The following SGCD variants were observed in gnomAD, a reference collection of about 807,000 sequenced individuals.
The protein encoded by SGCD is delta-sarcoglycan.
SGCD carries 18 observed loss-of-function variants against 36.6 expected under a neutral mutation model. That is an observed-to-expected ratio of 0.49 (90% confidence interval 0.34 to 0.73). The LOEUF (loss-of-function observed/expected upper bound fraction) is 0.73. SGCD is among the 30% of genes least tolerant of loss of function. The pLI, the probability that SGCD is intolerant of heterozygous loss-of-function variation, is 0.01. For missense variants in SGCD, 387 were observed against 346.7 expected, an observed-to-expected ratio of 1.12 and a Z score of -0.92; for synonymous variants, 133 against 130.6, an observed-to-expected ratio of 1.02 and a Z score of -0.12.
chr5:156,077,870 T>C (rs184090152), intron 1 of SGCD, among the ~76,000 whole-genome samples: 1 of 152,190 alleles, frequency 6.6e-6, no homozygotes, highest in East Asian at 1.9e-4. Context: ...GGGAGAAGCG[T>C]TGAGTTCTAA....
intron 3 of SGCD, among the ~76,000 whole-genome samples, chr5:156,239,277 G>C (rs1006373268): frequency 6.6e-6 from 1 of 151,646 alleles, no homozygotes; most frequent in African/African-American, 2.4e-5. Flanking sequence ...GCAGGTGCCT[G>C]TAATCCCAGC....
rs369934274 is a variant in SGCD at position 156,030,003 on chromosome 5, C to T, written c.-281-87875C>T. Among the ~76,000 whole-genome samples, 11 of 152,242 alleles carry T rather than the reference C, an allele frequency of 7.2e-5. No homozygotes were observed. The East Asian group carries it at 2.1e-3, about 29-fold the overall frequency. On this transcript the variant is annotated intron_variant, in intron 1 of 9. Coordinates refer to the SGCD transcript ENST00000517913. ...CTCCCTCACCTCCCAATTTCCCACA[C>T]TGAATGGACCATGTCACATAATTTT...
Position 156,762,993 on chromosome 5 carries a change from G to T in SGCD, c.*3603G>T, listed in dbSNP as rs1757525004. 6.6e-6 allele frequency: 1 copy of T among 152,444 alleles called. No homozygotes were observed. The highest frequency in any genetic ancestry group is 6.5e-5 in the Admixed American group (1 of 15,284). 9.4% of individuals were successfully genotyped at this position (152,444 alleles called of 1,614,324 possible). A position where few individuals can be genotyped will look rare whatever the true frequency, so the allele number is the denominator to read the frequency against. On this transcript the variant is annotated 3_prime_UTR_variant, in exon 9 of 9. Transcript: ENST00000337851. Reference sequence around the variant, plus strand: ...GTGGAAAGCCTGCCTTCCAAGACATGTGGAAGTAATTGATCCACCTGCCAG... The same window carrying T: ...GTGGAAAGCCTGCCTTCCAAGACATTTGGAAGTAATTGATCCACCTGCCAG...
intron 3 of SGCD, among the ~76,000 whole-genome samples, chr5:156,230,168 T>C (rs1264588594): frequency 2.0e-5 from 3 of 152,168 alleles, no homozygotes; most frequent in African/African-American, 7.2e-5. Context: ...CCTCCTGAAT[T>C]CTTTTTGGAG....
At chr5:156,653,568 C>T (rs281039) in intron 7 of SGCD, among the ~76,000 whole-genome samples, 127,376 of 139,246 alleles carry the variant, frequency 0.91, 58,448 homozygotes, top group East Asian at 0.99. Flanking sequence ...ATGTCATAAT[C>T]TACCTCCTTC....
intron 4 of SGCD, among the ~76,000 whole-genome samples, chr5:156,580,518 A>G (rs1581201944): frequency 1.3e-5 from 2 of 152,092 alleles, no homozygotes; most frequent in South Asian, 2.1e-4. Context: ...CCATTCTCCC[A>G]GTCACTTTCA....
intron 4 of SGCD, among the ~76,000 whole-genome samples, chr5:156,558,406 T>C (rs1005474872): frequency 6.6e-6 from 1 of 152,076 alleles, no homozygotes; most frequent in African/African-American, 2.4e-5. Context: ...GTGATGATCA[T>C]TTATTTTAAA....
intron 3 of SGCD, among the ~76,000 whole-genome samples, chr5:156,385,364 C>T (rs904024219): frequency 6.6e-6 from 1 of 152,154 alleles, no homozygotes; most frequent in Non-Finnish European, 1.5e-5. Context: ...GGGTTCCCTG[C>T]ACATATTTTT....
intron 4 of SGCD, among the ~76,000 whole-genome samples, chr5:156,572,269 T>C (rs1759754021): frequency 6.6e-6 from 1 of 152,142 alleles, no homozygotes; most frequent in Non-Finnish European, 1.5e-5. Flanking sequence ...TACTTAGGAG[T>C]AGAGTTGCTG....
chr5:156,643,106 C>G (rs1763099889), intron 6 of SGCD, among the ~76,000 whole-genome samples: 1 of 147,262 alleles, frequency 6.8e-6, no homozygotes, highest in Non-Finnish European at 1.5e-5. Flanking sequence ...GATCTTGGCT[C>G]ACTGCAACCT....
chr5:156,700,036 G>C (rs879579531), intron 7 of SGCD, among the ~76,000 whole-genome samples: 1 of 152,168 alleles, frequency 6.6e-6, no homozygotes, highest in African/African-American at 2.4e-5. Context: ...GTTGGAATGT[G>C]GAGGGTGGTC....
intron 3 of SGCD, among the ~76,000 whole-genome samples, chr5:156,448,689 C>T (rs1753852161): frequency 6.7e-6 from 1 of 149,864 alleles, no homozygotes; most frequent in Non-Finnish European, 1.5e-5. Flanking sequence ...TAACATTATC[C>T]ATGGGTTGCT....
intron 3 of SGCD, among the ~76,000 whole-genome samples, chr5:156,368,662 C>A (rs1318557082): frequency 6.6e-6 from 1 of 152,184 alleles, no homozygotes; most frequent in Non-Finnish European, 1.5e-5. Context: ...TGAGCTCCAT[C>A]TCCTGTCAAA....
chr5:156,383,944 T>G (rs140616), intron 3 of SGCD, among the ~76,000 whole-genome samples: 2 of 151,958 alleles, frequency 1.3e-5, no homozygotes, highest in Non-Finnish European at 2.9e-5. Context: ...GATAAAGATA[T>G]GGGGGACTGA....
In SGCD at chr5:156,188,664, A is replaced by AACC. The variant is rs1320590888; in HGVS notation, c.-44+64646_-44+64648dup. 3.3e-4 allele frequency among the ~76,000 whole-genome samples: 29 copies of AACC among 87,080 alleles called. 1 individual carries two copies. Among genetic ancestry groups the AACC allele is most frequent in the Middle Eastern group, 5.5e-3 (1 of 182 alleles). The allele number at this position is 87,080 out of a possible 152,430, so 57.1% of individuals were successfully genotyped here. The stretch of plus-strand genomic sequence containing the variant: ...GCCTCAGTGTCTCTCTGACCACCCC[A>AACC]ACCGCCCCCCCCGACACACATACAC... On this transcript the variant is annotated intron_variant, in intron 3 of 9. Coordinates refer to the SGCD transcript ENST00000517913.
chr5:156,138,737 G>A (rs998112572), intron 3 of SGCD, among the ~76,000 whole-genome samples: 1 of 152,296 alleles, frequency 6.6e-6, no homozygotes, highest in Non-Finnish European at 1.5e-5. Context: ...GTGATGTGGG[G>A]TAGGTATACA....
At chr5:156,213,340 T>C (rs1384487931) in intron 3 of SGCD, among the ~76,000 whole-genome samples, 1 of 151,744 alleles carries the variant, frequency 6.6e-6, no homozygotes, top group Non-Finnish European at 1.5e-5. Context: ...CTGTGAAAAA[T>C]TATGGGCCAA....
At chr5:156,349,840 A>G (rs114192842) in intron 3 of SGCD, among the ~76,000 whole-genome samples, 3,133 of 152,152 alleles carry the variant, frequency 0.021, 110 homozygotes, top group African/African-American at 0.071. Context: ...TATGGAACCA[A>G]CCTAAGTCCC....
At chr5:155,771,051 T>A in the SGCD span, among the ~76,000 whole-genome samples, 1 of 145,422 alleles carries the variant, frequency 6.9e-6, no homozygotes. Flanking sequence ...GCTCCTGTCA[T>A]CTGAACCAAA....
Sources: allele counts gnomAD v4.1 joint callset (sites outside exome capture counted in the v4.1 genomes callset), GRCh38; gene constraint gnomAD v4.1.1; transcripts MANE v1.5; gene names NCBI Gene and HGNC (gene_info 2026-07-23, HGNC 2026-07-21).